The following FOXP1 variants were observed in gnomAD, a reference collection of about 807,000 sequenced individuals.
FOXP1 encodes the protein forkhead box protein P1.
In FOXP1, 15 loss-of-function variants were observed where a neutral mutation model predicts 98.2. The observed-to-expected ratio is 0.15, with a 90% CI of 0.10 to 0.24. FOXP1 has a LOEUF of 0.24. FOXP1 is among the 10% of genes least tolerant of loss of function. FOXP1 has a pLI of 1.00. For missense variants in FOXP1, 633 were observed against 848.5 expected (o/e 0.75, Z 3.15); for synonymous variants, 371 against 314.5 (o/e 1.18, Z -1.90).
intron 5 of FOXP1, among the ~76,000 whole-genome samples, chr3:71,277,095 A>T (rs940060394): frequency 6.6e-6 from 1 of 151,528 alleles, no homozygotes; most frequent in African/African-American, 2.4e-5. Flanking sequence ...AGTAGCTAGG[A>T]ATACAGGCGC....
chr3:71,488,730 C>T (rs1397123609), intron 3 of FOXP1, among the ~76,000 whole-genome samples: 1 of 152,166 alleles, frequency 6.6e-6, no homozygotes, highest in Non-Finnish European at 1.5e-5. Context: ...ACACTGTCTT[C>T]GCATGCGGGA....
chr3:70,997,693 T>A (rs1308339890), intron 13 of FOXP1, among the ~76,000 whole-genome samples: 1 of 152,216 alleles, frequency 6.6e-6, no homozygotes, highest in African/African-American at 2.4e-5. Context: ...CACTGCCCAA[T>A]GAATGGACAG....
intron 5 of FOXP1, among the ~76,000 whole-genome samples, chr3:71,268,176 C>T (rs1414242590): frequency 2.7e-5 from 4 of 147,982 alleles, no homozygotes; most frequent in African/African-American, 1.0e-4. Context: ...CTGCAAACTC[C>T]GCCTCCCGGG....
At chr3:71,375,748 G>A (rs1257717958) in intron 3 of FOXP1, among the ~76,000 whole-genome samples, 1 of 152,164 alleles carries the variant, frequency 6.6e-6, no homozygotes, top group Non-Finnish European at 1.5e-5. Flanking sequence ...AGAAATCACT[G>A]TTCTAGTTGT....
intron 10 of FOXP1, among the ~76,000 whole-genome samples, chr3:71,045,214 G>A (rs1165067317): frequency 6.6e-6 from 1 of 152,214 alleles, no homozygotes; most frequent in African/African-American, 2.4e-5. Flanking sequence ...ATAGCAGACT[G>A]CTAAGCCTAT....
chr3:71,105,771 G>C (rs373122132), intron 7 of FOXP1, among the ~76,000 whole-genome samples: 26 of 151,892 alleles, frequency 1.7e-4, no homozygotes, highest in Admixed American at 1.4e-3. Context: ...GACACACACA[G>C]AGACACACAC....
intron 5 of FOXP1, among the ~76,000 whole-genome samples, chr3:71,231,041 A>G (rs576898568): frequency 6.6e-6 from 1 of 152,334 alleles, no homozygotes; most frequent in African/African-American, 2.4e-5. Flanking sequence ...AGAAGGGGAA[A>G]AAAGCAAGTT....
chr3:71,290,491 T>A, intron 5 of FOXP1, among the ~76,000 whole-genome samples: 1 of 152,186 alleles, frequency 6.6e-6, no homozygotes. Context: ...ATTATTCTAG[T>A]GGCCTCCTGA....
At chr3:71,049,795 C>G (rs2049593885) in intron 9 of FOXP1, among the ~76,000 whole-genome samples, 1 of 152,106 alleles carries the variant, frequency 6.6e-6, no homozygotes, top group African/African-American at 2.4e-5. Flanking sequence ...CCGTGTGACT[C>G]CATCTCATTT....
chr3:71,112,779 C>T (rs1446350263), intron 6 of FOXP1, 142 bp from the exon 7 acceptor site: 1 of 681,092 alleles, frequency 1.5e-6, no homozygotes, highest in East Asian at 2.7e-5. Flanking sequence ...AATGAAACTT[C>T]CCACCAGTCT....
Position 71,014,560 on chromosome 3 carries a change from C to T in FOXP1, c.974+989G>A, listed in dbSNP as rs114900258. Among the ~76,000 whole-genome samples the T allele has an allele frequency of 2.7e-3, 407 of 152,292 alleles. 1 individual carries two copies. The highest frequency in any genetic ancestry group is 4.5e-3 in the Non-Finnish European group (306 of 68,020). Reference sequence around the variant, plus strand: ...GTGCTGGTGGGAGTGTAAACTAGTACAACCATTGTGGAAGAAAGTGTGGCG... The same window carrying T: ...GTGCTGGTGGGAGTGTAAACTAGTATAACCATTGTGGAAGAAAGTGTGGCG... On this transcript the variant is annotated intron_variant, in intron 12 of 20. Coordinates refer to ENST00000649528, the MANE Select transcript of FOXP1 (RefSeq NM_001349338.3).
intron 10 of FOXP1, among the ~76,000 whole-genome samples, chr3:71,044,414 G>A (rs1038871091): frequency 5.3e-5 from 8 of 152,160 alleles, no homozygotes; most frequent in Non-Finnish European, 1.0e-4. Flanking sequence ...TGATTAAAGA[G>A]ACCAGGGTGA....
intron 6 of FOXP1, among the ~76,000 whole-genome samples, chr3:71,189,386 T>C (rs2062835345): frequency 6.6e-6 from 1 of 152,178 alleles, no homozygotes. Context: ...TTAGTAACTG[T>C]CAAAGGCTAA....
chr3:71,372,683 A>C (rs1423653853), intron 3 of FOXP1, among the ~76,000 whole-genome samples: 3 of 152,202 alleles, frequency 2.0e-5, no homozygotes, highest in Non-Finnish European at 4.4e-5. Flanking sequence ...TGAATTACTA[A>C]ATCTAAATAT....
rs559646796 is a variant in FOXP1 at position 71,429,211 on chromosome 3, G to T, written c.-168+64215C>A. Among the ~76,000 whole-genome samples the T allele has an allele frequency of 3.9e-5, 6 of 152,212 alleles. No individual in the cohort carries two copies. The South Asian group carries it at 1.2e-3, about 32-fold the overall frequency. The stretch of plus-strand genomic sequence containing the variant: ...CATGGGTGGGGGCAACCAGACCAAG[G>T]TGACATCATTCCCAAGGGGACACTG... On this transcript the variant is annotated intron_variant, in intron 3 of 20. Transcript: ENST00000649528.
intron 4 of FOXP1, among the ~76,000 whole-genome samples, chr3:71,347,403 C>T (rs1272615082): frequency 6.6e-6 from 1 of 152,194 alleles, no homozygotes; most frequent in Non-Finnish European, 1.5e-5. Flanking sequence ...CACTTCCATT[C>T]TGACTTAAAC....
intron 2 of FOXP1, among the ~76,000 whole-genome samples, chr3:71,526,747 C>A (rs1226229733): frequency 6.6e-6 from 1 of 152,112 alleles, no homozygotes; most frequent in Non-Finnish European, 1.5e-5. Flanking sequence ...GTGGGCGGAT[C>A]ACCCAAGGTC....
intron 5 of FOXP1, among the ~76,000 whole-genome samples, chr3:71,260,791 C>T (rs1488990275): frequency 6.6e-6 from 1 of 152,058 alleles, no homozygotes; most frequent in Admixed American, 6.6e-5. Context: ...ATCCGCCCGC[C>T]TCACCCTACC....
intron 12 of FOXP1, among the ~76,000 whole-genome samples, chr3:71,001,480 T>C (rs1007557714): frequency 1.3e-5 from 2 of 152,136 alleles, no homozygotes; most frequent in Non-Finnish European, 2.9e-5. Flanking sequence ...GATACATCCA[T>C]ATACTGAAAT....
Sources: gnomAD v4.1 joint callset for allele counts (sites outside exome capture counted in the v4.1 genomes callset) on GRCh38, gnomAD v4.1.1 for gene constraint, MANE v1.5 for transcripts, NCBI Gene and HGNC (gene_info 2026-07-23, HGNC 2026-07-21) for gene names.